DMD: variants seen among roughly 807,000 people sequenced by gnomAD.
The protein encoded by DMD is dystrophin.
In DMD, 63 loss-of-function variants were observed where a neutral mutation model predicts 330.1. The ratio of observed to expected loss-of-function variants is 0.19; its 90% CI spans 0.16 to 0.24. The LOEUF is 0.24. DMD is among the 10% of genes least tolerant of loss of function. The pLI is 1.00. For missense variants in DMD, 3,344 were observed against 2,684.1 expected (o/e 1.25, Z -5.43); for synonymous variants, 1,223 against 959.8 (o/e 1.27, Z -5.07).
At chrX:32,440,130 T>C (rs1441373595) in intron 28 of DMD, among the ~76,000 whole-genome samples, 2 of 111,576 alleles carry the variant, frequency 1.8e-5, no homozygotes, top group African/African-American at 6.5e-5. Context: ...TATCTTCTGT[T>C]CTGGCCACTG....
chrX:32,831,649 C>CGTGTGTGTGT lies in DMD; in HGVS notation c.265-8272_265-8263dup, dbSNP rs6151283. Among the ~76,000 whole-genome samples, 44 of 89,765 alleles carry CGTGTGTGTGT rather than the reference C, an allele frequency of 4.9e-4. 1 individual carries two copies. The highest frequency in any genetic ancestry group is 1.3e-3 in the African/African-American group (31 of 23,703). The allele number at this position is 89,765 out of a possible 115,157, so 78.0% of individuals were successfully genotyped here. On this transcript the variant is annotated intron_variant, in intron 4 of 78. Transcript: ENST00000357033. ...GAGTTACATTCCTGTAAGATATTTA[C>CGTGTGTGTGT]GTGTGTGTGTGTGTGTGTGTGTGTG... is the stretch of plus-strand genomic sequence containing the variant.
chrX:32,803,261 G>A (rs1156928165), intron 7 of DMD, among the ~76,000 whole-genome samples: 1 of 111,664 alleles, frequency 9.0e-6, no homozygotes, highest in African/African-American at 3.3e-5. Flanking sequence ...GCGTGGAGAT[G>A]TTTATAGTAT....
intron 30 of DMD, 121 bp downstream of exon 30, chrX:32,411,631 T>C: frequency 1.3e-6 from 1 of 796,684 alleles, no homozygotes; most frequent in Non-Finnish European, 1.9e-6. Flanking sequence ...AATAGTCAAA[T>C]CAGTGAATCA....
chrX:31,476,814 C>A (rs2067820093), intron 59 of DMD, among the ~76,000 whole-genome samples: 1 of 111,120 alleles, frequency 9.0e-6, no homozygotes, highest in African/African-American at 3.3e-5. Flanking sequence ...ATACTGTTAT[C>A]ATCTAAGTAA....
rs146861840 is a variant in DMD at position 32,917,418 on chromosome X, C to T, written c.94-67598G>A. 3.4e-3 allele frequency among the ~76,000 whole-genome samples: 381 copies of T among 111,856 alleles called. 1 individual carries two copies. Among genetic ancestry groups the T allele is most frequent in the African/African-American group, 0.012 (364 of 30,794 alleles). On this transcript the variant is annotated intron_variant, in intron 2 of 78. Transcript: ENST00000357033. The stretch of plus-strand genomic sequence containing the variant: ...AAGCTACAAACTATTTTTGTTTGCT[C>T]ATTTACTATATATCTTAGATATTTT...
At chrX:31,248,123 A>T (rs1183731795) in intron 63 of DMD, among the ~76,000 whole-genome samples, 1 of 112,406 alleles carries the variant, frequency 8.9e-6, no homozygotes, top group Non-Finnish European at 1.9e-5. Context: ...CTTTTTTAAC[A>T]ATAAAGTATT....
intron 19 of DMD, among the ~76,000 whole-genome samples, chrX:32,495,561 A>C (rs959483924): frequency 2.7e-5 from 3 of 111,948 alleles, no homozygotes; most frequent in African/African-American, 9.7e-5. Flanking sequence ...TTAAAATGAG[A>C]AATGCTATTA....
At chrX:32,443,199 A>G (rs2098289225) in intron 27 of DMD, among the ~76,000 whole-genome samples, 1 of 110,819 alleles carries the variant, frequency 9.0e-6, no homozygotes, top group African/African-American at 3.3e-5. Context: ...AGGAAGATTT[A>G]TTTCAGAAGG....
intron 44 of DMD, among the ~76,000 whole-genome samples, chrX:31,992,598 G>T (rs1361826297): frequency 9.0e-6 from 1 of 110,585 alleles, no homozygotes; most frequent in African/African-American, 3.3e-5. Context: ...GTTTTTCTTG[G>T]CTCACTCCTC....
intron 43 of DMD, among the ~76,000 whole-genome samples, chrX:32,272,094 T>C (rs919061906): frequency 3.6e-5 from 4 of 111,842 alleles, no homozygotes; most frequent in Non-Finnish European, 7.5e-5. Flanking sequence ...CTCTTCCCTG[T>C]AGGAAAAAGT....
At chrX:32,390,951 G>A (rs765592177) in intron 30 of DMD, among the ~76,000 whole-genome samples, 3 of 111,611 alleles carry the variant, frequency 2.7e-5, no homozygotes, top group East Asian at 5.6e-4. Flanking sequence ...GATGGCTTCC[G>A]GCAGATACTG....
At chrX:31,360,258 T>G (rs1344777653) in intron 60 of DMD, among the ~76,000 whole-genome samples, 1 of 111,582 alleles carries the variant, frequency 9.0e-6, no homozygotes, top group Non-Finnish European at 1.9e-5. Context: ...AAATTGTATT[T>G]CTTTCAAATG....
intron 1 of DMD, among the ~76,000 whole-genome samples, chrX:33,025,054 T>C (rs772630392): frequency 8.9e-6 from 1 of 112,203 alleles, no homozygotes; most frequent in East Asian, 2.8e-4. Context: ...AGACACATCA[T>C]AGATAAATAT....
chrX:32,745,596 A>G (rs2069884895), intron 7 of DMD, among the ~76,000 whole-genome samples: 1 of 112,473 alleles, frequency 8.9e-6, no homozygotes, highest in South Asian at 3.7e-4. Flanking sequence ...CTTCAATGCA[A>G]TGAATTCTTG....
chrX:33,259,596 C>T (rs2052917123), intron 1 of DMD, among the ~76,000 whole-genome samples: 1 of 61,944 alleles, frequency 1.6e-5, no homozygotes, highest in Non-Finnish European at 2.7e-5. Flanking sequence ...ATTTCAAAAT[C>T]GCCCCCCCCC....
Position 32,287,530 on chromosome X carries a change from C to A in DMD, c.6289G>T (p.Gly2097Trp). 1 of 1,208,999 alleles carries A rather than the reference C, an allele frequency of 8.3e-7. No homozygotes were observed. The highest frequency in any genetic ancestry group is 1.8e-5 in the South Asian group (1 of 56,771). Residue 2097 changes from glycine (G) to tryptophan (W), a missense_variant and splice_region_variant, in exon 43 of 79, where the codon GGG (glycine) becomes TGG (tryptophan). By Grantham distance (184) the Gly-to-Trp change is radical. Transcript: ENST00000357033. ...AAGAAAAATATATGTGTTACCTACC[C>A]TTGTCGGTCCTTGTACATTTTGTTA... ...KVNKMYKDRQ[G>W]RFDRSVEKWR...
intron 11 of DMD, among the ~76,000 whole-genome samples, chrX:32,631,371 A>T (rs2058717033): frequency 9.0e-6 from 1 of 111,525 alleles, no homozygotes; most frequent in Non-Finnish European, 1.9e-5. Flanking sequence ...AGGACTCTAC[A>T]ATCGGCAGGT....
chrX:32,939,398 T>C (rs1195714545), intron 2 of DMD, among the ~76,000 whole-genome samples: 1 of 110,442 alleles, frequency 9.1e-6, no homozygotes, highest in Admixed American at 9.7e-5. Flanking sequence ...GCCAACCACC[T>C]TGCAATAAAA....
intron 53 of DMD, among the ~76,000 whole-genome samples, chrX:31,659,102 C>T (rs1434485574): frequency 1.8e-5 from 2 of 111,234 alleles, no homozygotes; most frequent in East Asian, 5.6e-4. Flanking sequence ...TACAATTGGA[C>T]ACCAATTAAA....
Sources: gnomAD v4.1 joint callset for allele counts (sites outside exome capture counted in the v4.1 genomes callset) on GRCh38, gnomAD v4.1.1 for gene constraint, MANE v1.5 for transcripts, NCBI Gene and HGNC (gene_info 2026-07-23, HGNC 2026-07-21) for gene names.